Variants in SLCO4C1 observed in about 807,000 individuals in gnomAD.
SLCO4C1 encodes the protein organic anion transporter M1.
A neutral mutation model predicts 72.1 loss-of-function variants in SLCO4C1; 58 were observed. The observed-to-expected ratio is 0.80, with a 90% CI of 0.65 to 1.00. The LOEUF (loss-of-function observed/expected upper bound fraction) is 1.00. SLCO4C1 is among the 50% of genes least tolerant of loss of function. The pLI, the probability that SLCO4C1 is intolerant of heterozygous loss-of-function variation, is 0.00. For synonymous variants in SLCO4C1, 297 were observed against 312.5 expected, an observed-to-expected ratio of 0.95 and a Z score of 0.52; for missense variants, 898 against 857.9, an observed-to-expected ratio of 1.05 and a Z score of -0.58.
At chr5:102,256,079 G>T (rs947049556) in intron 8 of SLCO4C1, among the ~76,000 whole-genome samples, 9 of 152,046 alleles carry the variant, frequency 5.9e-5, no homozygotes, top group Non-Finnish European at 1.0e-4. Flanking sequence ...GGTGGCATGC[G>T]CCTGTAGTCC....
Position 102,236,627 on chromosome 5 carries a change from C to T in SLCO4C1, c.*231G>A, listed in dbSNP as rs1416745797. 2 of 391,950 alleles carry T rather than the reference C, an allele frequency of 5.1e-6. No homozygotes were observed. Among genetic ancestry groups the T allele is most frequent in the Non-Finnish European group, 9.2e-6 (2 of 218,046 alleles). The allele number at this position is 391,950 out of a possible 1,614,324, so 24.3% of individuals were successfully genotyped here. On this transcript the variant is annotated 3_prime_UTR_variant, in exon 13 of 13. Transcript: ENST00000310954. ...GTTCGTGTGTGTGTGTGTGTGTGTG[C>T]TCGTGTGTGTGTGTGCTGTGTTTTG...
At chr5:102,292,072 G>T (rs841925) in intron 1 of SLCO4C1, among the ~76,000 whole-genome samples, 52,111 of 151,900 alleles carry the variant, frequency 0.34, 9,278 homozygotes, top group East Asian at 0.54. Flanking sequence ...TGATCCACCC[G>T]CCTCGGACTC....
chr5:102,283,371 CA>C (rs1749391462), intron 2 of SLCO4C1, among the ~76,000 whole-genome samples: 1 of 151,854 alleles, frequency 6.6e-6, no homozygotes, highest in South Asian at 2.1e-4. Context: ...AGTGTGTGAG[CA>C]AAAACTTAAA....
intron 8 of SLCO4C1, among the ~76,000 whole-genome samples, chr5:102,255,987 C>G (rs1264122040): frequency 6.6e-6 from 1 of 152,084 alleles, no homozygotes; most frequent in African/African-American, 2.4e-5. Context: ...AGGCAGATCA[C>G]TTGAGGTCAG....
chr5:102,294,053 C>A (rs1409514189), intron 1 of SLCO4C1, among the ~76,000 whole-genome samples: 1 of 152,218 alleles, frequency 6.6e-6, no homozygotes, highest in Non-Finnish European at 1.5e-5. Context: ...GGATTGCAGG[C>A]ATGCGCCACA....
chr5:102,257,284 G>A lies in SLCO4C1; in HGVS notation c.1300C>T (p.Leu434Phe), dbSNP rs752778197. Residue 434 changes from leucine to phenylalanine, a missense_variant, in exon 8 of 13, where the codon CTC becomes TTC. Transcript: ENST00000310954. ...GGAVLIPGAA[L>F]GQILGGFLVS... ...AGGAAGCCACCTAAAATTTGACCGA[G>A]AGCAGCTCCAGGAATTAAAACAGCC... 1.2e-6 allele frequency: 2 copies of A among 1,600,708 alleles called. No homozygotes were observed. The highest frequency in any genetic ancestry group is 1.7e-5 in the Admixed American group (1 of 57,248).
At chr5:102,290,992 C>CT (rs142466556) in intron 2 of SLCO4C1, among the ~76,000 whole-genome samples, 29,196 of 152,060 alleles carry the variant, frequency 0.19, 3,748 homozygotes, top group Non-Finnish European at 0.25. Context: ...GGGTGCAGAG[C>CT]TGTAAACACA....
At chr5:102,241,818 A>G (rs1247488518) in intron 10 of SLCO4C1, among the ~76,000 whole-genome samples, 1 of 151,928 alleles carries the variant, frequency 6.6e-6, no homozygotes, top group Non-Finnish European at 1.5e-5. Flanking sequence ...AAGATGATAG[A>G]CTGAAAAGCT....
intron 4 of SLCO4C1, 80 bp from the exon 5 acceptor site, chr5:102,262,113 T>C: frequency 8.5e-7 from 1 of 1,182,068 alleles, no homozygotes; most frequent in Non-Finnish European, 1.2e-6. Flanking sequence ...ATATACTTTA[T>C]ACTTCAAGTG....
At chr5:102,291,634 C>A (rs1441788064) in intron 1 of SLCO4C1, 28 bp from the exon 2 acceptor site, 1 of 1,552,520 alleles carries the variant, frequency 6.4e-7, no homozygotes. Flanking sequence ...TGATGTGCAT[C>A]ATTAATATTT....
At chr5:102,237,062 A>G in intron 12 of SLCO4C1, 44 bp from the exon 13 acceptor site, 1 of 1,508,700 alleles carries the variant, frequency 6.6e-7, no homozygotes, top group South Asian at 1.3e-5. Flanking sequence ...GTTTTTAATT[A>G]TGATAAAAAT....
At chr5:102,288,781 A>C (rs1354666450) in intron 2 of SLCO4C1, among the ~76,000 whole-genome samples, 2 of 152,166 alleles carry the variant, frequency 1.3e-5, no homozygotes, top group African/African-American at 4.8e-5. Context: ...TTAGCTCTTC[A>C]CTATCCAGAT....
chr5:102,289,897 T>C (rs1263990776), intron 2 of SLCO4C1, among the ~76,000 whole-genome samples: 2 of 152,236 alleles, frequency 1.3e-5, no homozygotes, highest in Non-Finnish European at 2.9e-5. Flanking sequence ...TCTAAAACCA[T>C]GCTGTGTAAT....
chr5:102,256,332 C>T (rs1748834660), intron 8 of SLCO4C1, among the ~76,000 whole-genome samples: 1 of 152,190 alleles, frequency 6.6e-6, no homozygotes, highest in Non-Finnish European at 1.5e-5. Context: ...TTGTCATTGG[C>T]AAACTTTTCT....
At position 102,247,436 on chromosome 5, in the gene SLCO4C1, A is replaced by G. The variant is rs1363209898; in HGVS notation, c.1627T>C (p.Tyr543His). The change falls in exon 10 of 13, where the codon TAC becomes CAC. Residue 543 changes from tyrosine to histidine, a missense_variant. Tyr to His is a moderately conservative substitution (Grantham distance 83). Coordinates refer to ENST00000310954, the MANE Select transcript of SLCO4C1 (RefSeq NM_180991.5). ...TTCCTTTCAATACAGGAACAGTTGT[A>G]ATATACCTAAAAATATTAGACATAA... The part of the protein sequence containing the change: ...PVAHRKPKVY[Y>H]NCSCIERKTE... The G allele has an allele frequency of 6.6e-7, 1 of 1,521,136 alleles. No individual in the cohort carries two copies. Among genetic ancestry groups the G allele is most frequent in the Non-Finnish European group, 8.9e-7 (1 of 1,121,934 alleles). The allele number at this position is 1,521,136 out of a possible 1,614,324, so 94.2% of individuals were successfully genotyped here.
chr5:102,286,238 A>G (rs1749450088), intron 2 of SLCO4C1, among the ~76,000 whole-genome samples: 1 of 152,190 alleles, frequency 6.6e-6, no homozygotes, highest in Non-Finnish European at 1.5e-5. Context: ...AAACAAAGAT[A>G]TAGTGCAACG....
At chr5:102,253,776 G>A (rs975222987) in intron 8 of SLCO4C1, among the ~76,000 whole-genome samples, 2 of 150,192 alleles carry the variant, frequency 1.3e-5, no homozygotes, top group East Asian at 3.9e-4. Flanking sequence ...CTACACTCCA[G>A]CCTGGGCGAC....
chr5:102,240,670 G>C, intron 11 of SLCO4C1, 48 bp downstream of exon 11: 2 of 1,496,718 alleles, frequency 1.3e-6, no homozygotes, highest in Non-Finnish European at 1.8e-6. Flanking sequence ...TAACACTAAT[G>C]AACCAAAATA....
intron 2 of SLCO4C1, among the ~76,000 whole-genome samples, chr5:102,271,157 T>C (rs1580258047): frequency 6.6e-6 from 1 of 152,116 alleles, no homozygotes. Context: ...ATACTATCTT[T>C]ATATTCAACA....
Sources: gnomAD v4.1 joint callset for allele counts (sites outside exome capture counted in the v4.1 genomes callset) on GRCh38, gnomAD v4.1.1 for gene constraint, MANE v1.5 for transcripts, NCBI Gene and HGNC (gene_info 2026-07-23, HGNC 2026-07-21) for gene names.